Variants in GLYR1 observed in about 807,000 individuals in gnomAD.
The protein encoded by GLYR1 is cytokine-like nuclear factor N-PAC.
A neutral mutation model predicts 72.7 loss-of-function variants in GLYR1; 21 were observed. That is an observed-to-expected ratio of 0.29 (90% CI 0.20 to 0.42). GLYR1 has a LOEUF of 0.42. GLYR1 is among the 10% of genes least tolerant of loss of function. The pLI, the probability that GLYR1 is intolerant of heterozygous loss-of-function variation, is 1.00. For missense variants in GLYR1, 594 were observed against 712.1 expected (o/e 0.83, Z 1.89); for synonymous variants, 392 against 270.2 (o/e 1.45, Z -4.42).
chr16:4,827,671 C>T (rs543043270), intron 5 of GLYR1, among the ~76,000 whole-genome samples: 1 of 152,044 alleles, frequency 6.6e-6, no homozygotes, highest in African/African-American at 2.4e-5. Flanking sequence ...GAGGCCGAGG[C>T]AGGTGGATCA....
At chr16:4,814,724 AC>A in intron 10 of GLYR1, 77 bp from the exon 11 acceptor site, 1 of 1,182,020 alleles carries the variant, frequency 8.5e-7, no homozygotes, top group Non-Finnish European at 1.2e-6. Flanking sequence ...AGAATTGCTG[AC>A]CAGGCCTCCT....
At chr16:4,806,448 C>G (rs1596294744) in intron 15 of GLYR1, among the ~76,000 whole-genome samples, 1 of 151,684 alleles carries the variant, frequency 6.6e-6, no homozygotes, top group African/African-American at 2.4e-5. Context: ...CCTCGAACTC[C>G]TGGGCTCAAG....
intron 3 of GLYR1, among the ~76,000 whole-genome samples, chr16:4,833,847 A>G (rs1388913839): frequency 6.6e-6 from 1 of 152,204 alleles, no homozygotes; most frequent in East Asian, 1.9e-4. Flanking sequence ...CCTGAATGGC[A>G]TGCAGCTTAT....
intron 7 of GLYR1, 121 bp from the exon 8 acceptor site, chr16:4,821,718 T>G: frequency 1.1e-6 from 1 of 873,422 alleles, no homozygotes; most frequent in Non-Finnish European, 1.9e-6. Flanking sequence ...GTTTTATACT[T>G]TAGTGAACTC....
intron 3 of GLYR1, chr16:4,839,475 T>C (rs934283451): frequency 6.6e-6 from 1 of 152,212 alleles, no homozygotes; most frequent in Non-Finnish European, 1.5e-5. Flanking sequence ...AGAGGGACCC[T>C]CGTGCACTTG....
intron 15 of GLYR1, among the ~76,000 whole-genome samples, chr16:4,809,860 G>A (rs1381391268): frequency 6.6e-6 from 1 of 150,610 alleles, no homozygotes; most frequent in Non-Finnish European, 1.5e-5. Context: ...GGAGGCAGAG[G>A]TTGCGGTGAG....
At chr16:4,821,144 CTT>C (rs1483226651) in intron 9 of GLYR1, 3 of 579,336 alleles carry the variant, frequency 5.2e-6, no homozygotes, top group Non-Finnish European at 6.1e-6. Flanking sequence ...GCTCCTTGCT[CTT>C]GAGTTCTGGA....
At position 4,821,205 on chromosome 16, in the gene GLYR1, T is replaced by G. The variant is rs548762622; in HGVS notation, c.806+175A>C. On this transcript the variant is annotated intron_variant, in intron 9 of 15. Transcript: ENST00000321919. The stretch of plus-strand genomic sequence containing the variant: ...GCCCAAGGGAGACCCGACCACAGAT[T>G]TACACAGCTTTTGACTCCTGTCTTT... The G allele has an allele frequency of 4.4e-6, 3 of 675,566 alleles. No individual in the cohort carries two copies. In the South Asian group the frequency reaches 5.6e-5, roughly 13 times the overall value. 41.8% of individuals were successfully genotyped at this position (675,566 alleles called of 1,614,324 possible).
intron 5 of GLYR1, among the ~76,000 whole-genome samples, chr16:4,830,942 C>A (rs1004093953): frequency 1.5e-4 from 23 of 152,194 alleles, no homozygotes; most frequent in African/African-American, 5.5e-4. Flanking sequence ...TTTACAAATT[C>A]ACCTCCCAAA....
chr16:4,827,277 A>G (rs1260404517), intron 5 of GLYR1, among the ~76,000 whole-genome samples: 3 of 152,234 alleles, frequency 2.0e-5, no homozygotes, highest in African/African-American at 7.2e-5. Flanking sequence ...TACTATAGCA[A>G]CACACACACA....
chr16:4,809,834 G>A (rs752575096), intron 15 of GLYR1, among the ~76,000 whole-genome samples: 9 of 151,856 alleles, frequency 5.9e-5, no homozygotes, highest in Non-Finnish European at 1.3e-4. Context: ...TGAGGCATGA[G>A]AATCGCTTGA....
At position 4,839,136 on chromosome 16, in the gene GLYR1, G is replaced by A. The variant is rs560408629; in HGVS notation, c.155+5938C>T. On this transcript the variant is annotated intron_variant, in intron 3 of 15. Transcript: ENST00000321919. ...TAAGAGAAAGAGAAAAGGAGAAAGG[G>A]CGGGGAGAAGATGGCAGGGGGAGGG... The A allele has an allele frequency of 6.3e-3, 968 of 153,138 alleles. 18 individuals carry two copies. Among genetic ancestry groups the A allele is most frequent in the African/African-American group, 0.022 (930 of 41,570 alleles). 9.5% of individuals were successfully genotyped at this position (153,138 alleles called of 1,614,324 possible). A position where few individuals can be genotyped will look rare whatever the true frequency, so the allele number is the denominator to read the frequency against.
In GLYR1 at chr16:4,832,660, C is replaced by G. The variant is rs1201202269; in HGVS notation, c.294+114G>C. ...CACCTTAGAACTGAAGTAGCTTTCTCCAGTAGCATTTCAGAAGAACAAAGG... is the reference window on the plus strand; with the variant it reads ...CACCTTAGAACTGAAGTAGCTTTCTGCAGTAGCATTTCAGAAGAACAAAGG... On this transcript the variant is annotated intron_variant, in intron 4 of 15. Coordinates refer to ENST00000321919, the MANE Select transcript of GLYR1 (RefSeq NM_032569.4). The G allele has an allele frequency of 7.4e-6, 9 of 1,223,256 alleles. No homozygotes were observed. In the African/African-American group the frequency reaches 1.4e-4, roughly 19 times the overall value. 75.8% of individuals were successfully genotyped at this position (1,223,256 alleles called of 1,614,324 possible).
intron 12 of GLYR1, 25 bp downstream of exon 12, chr16:4,813,712 G>C: frequency 6.4e-7 from 1 of 1,558,980 alleles, no homozygotes; most frequent in Non-Finnish European, 8.7e-7. Context: ...AGATGCTGGA[G>C]AGCCAGCCCA....
intron 14 of GLYR1, 137 bp from the exon 15 acceptor site, chr16:4,811,431 A>T (rs998707373): frequency 3.7e-5 from 48 of 1,286,168 alleles, no homozygotes; most frequent in Admixed American, 2.5e-4. Context: ...CTCCTCACTC[A>T]CCCTTAGACA....
chr16:4,804,978 C>T lies in GLYR1; in HGVS notation c.*258G>A, dbSNP rs934997890. On this transcript the variant is annotated 3_prime_UTR_variant, in exon 16 of 16. Transcript: ENST00000321919. ...GTGTGTGTGTGTGTGTGTGAACACA[C>T]AGCCACCTCGTCCGGGGGGCCAGTG... 2 of 525,760 alleles carry T rather than the reference C, an allele frequency of 3.8e-6. No homozygotes were observed. The highest frequency in any genetic ancestry group is 7.0e-6 in the Non-Finnish European group (2 of 287,496). 32.6% of individuals were successfully genotyped at this position (525,760 alleles called of 1,614,324 possible). A position where few individuals can be genotyped will look rare whatever the true frequency, so the allele number is the denominator to read the frequency against.
intron 3 of GLYR1, among the ~76,000 whole-genome samples, chr16:4,833,778 G>A (rs900204084): frequency 1.3e-5 from 2 of 152,176 alleles, no homozygotes; most frequent in Admixed American, 6.5e-5. Flanking sequence ...CAATTCTGGG[G>A]TTTCTGATCT....
Position 4,827,124 on chromosome 16 carries a change from C to T in GLYR1, c.538-3217G>A, listed in dbSNP as rs13338535. On this transcript the variant is annotated intron_variant, in intron 5 of 15. Coordinates refer to ENST00000321919, the MANE Select transcript of GLYR1 (RefSeq NM_032569.4). ...AACCCAGCCTTTCCCTGCCTGCCTC[C>T]GCCATCAAGGTCAGCTTTTTCCATT... Among the ~76,000 whole-genome samples the T allele has an allele frequency of 9.0e-3, 1,366 of 152,330 alleles. 12 individuals carry two copies. The highest frequency in any genetic ancestry group is 0.024 in the East Asian group (127 of 5,192).
intron 9 of GLYR1, among the ~76,000 whole-genome samples, chr16:4,820,457 G>A (rs372546384): frequency 6.6e-6 from 1 of 151,974 alleles, no homozygotes; most frequent in Non-Finnish European, 1.5e-5. Context: ...AAATGTGTTG[G>A]GTAAAAACAT....
Sources: allele counts gnomAD v4.1 joint callset (sites outside exome capture counted in the v4.1 genomes callset), GRCh38; gene constraint gnomAD v4.1.1; transcripts MANE v1.5; gene names NCBI Gene and HGNC (gene_info 2026-07-23, HGNC 2026-07-21).